JARID2: variants seen among roughly 807,000 people sequenced by gnomAD.
The protein encoded by JARID2 is protein Jumonji.
A neutral mutation model predicts 125.6 loss-of-function variants in JARID2; 21 were observed. The ratio of observed to expected loss-of-function variants is 0.17; its 90% confidence interval spans 0.12 to 0.24. The LOEUF is 0.24. Among genes scored for constraint, JARID2 ranks in the 10% least tolerant of loss-of-function variants. JARID2 has a pLI of 1.00. For missense variants in JARID2, 1,303 were observed against 1,639.6 expected, an observed-to-expected ratio of 0.79 and a Z score of 3.55; for synonymous variants, 736 against 661.6, an observed-to-expected ratio of 1.11 and a Z score of -1.73.
At chr6:15,340,421 G>A (rs559950620) in intron 1 of JARID2, among the ~76,000 whole-genome samples, 3 of 152,162 alleles carry the variant, frequency 2.0e-5, no homozygotes, top group Non-Finnish European at 4.4e-5. Context: ...GTTGGGTGTG[G>A]ATTTTACTAC....
chr6:15,259,115 A>T (rs370457786), intron 1 of JARID2, among the ~76,000 whole-genome samples: 1 of 152,142 alleles, frequency 6.6e-6, no homozygotes. Context: ...TGTGAGGATG[A>T]GGGTAGTGTT....
chr6:15,482,912 T>C (rs1306406106), intron 5 of JARID2, among the ~76,000 whole-genome samples: 1 of 151,992 alleles, frequency 6.6e-6, no homozygotes, highest in Non-Finnish European at 1.5e-5. Flanking sequence ...GTTCAGTGAG[T>C]TCTTGTTAGC....
chr6:15,505,282 C>G (rs964504995), intron 9 of JARID2: 1 of 151,348 alleles, frequency 6.6e-6, no homozygotes, highest in African/African-American at 2.4e-5. Context: ...CAGCTGCCGG[C>G]CGGGGAACAG....
At chr6:15,403,563 AT>A (rs1393736486) in intron 2 of JARID2, among the ~76,000 whole-genome samples, 1 of 152,094 alleles carries the variant, frequency 6.6e-6, no homozygotes, top group Non-Finnish European at 1.5e-5. Flanking sequence ...TCAAAGAGTC[AT>A]TTACTTGTTT....
At chr6:15,314,314 T>C (rs747851533) in intron 1 of JARID2, among the ~76,000 whole-genome samples, 2 of 138,226 alleles carry the variant, frequency 1.4e-5, no homozygotes, top group Non-Finnish European at 3.1e-5. Context: ...TCTGCTAGAA[T>C]ATAAAGTAAT....
At chr6:15,456,878 C>CTTTTTTTTTTTTTTT (rs71535043) in intron 4 of JARID2, among the ~76,000 whole-genome samples, 2 of 95,676 alleles carry the variant, frequency 2.1e-5, no homozygotes, top group African/African-American at 8.2e-5. Flanking sequence ...GGATGTTAAG[C>CTTTTTTTTTTTTTTT]TTTTTTTTTT....
At chr6:15,469,102 C>T (rs1320629237) in intron 5 of JARID2, among the ~76,000 whole-genome samples, 1 of 151,928 alleles carries the variant, frequency 6.6e-6, no homozygotes, top group Admixed American at 6.5e-5. Context: ...ATCATTCCTC[C>T]TATGGAATTG....
chr6:15,415,994 C>A (rs892371655), intron 3 of JARID2, among the ~76,000 whole-genome samples: 3 of 150,664 alleles, frequency 2.0e-5, no homozygotes, highest in Non-Finnish European at 4.4e-5. Context: ...CAGAGACGCT[C>A]CTCACCTCCC....
At chr6:15,396,886 G>T (rs1424234612) in intron 2 of JARID2, among the ~76,000 whole-genome samples, 1 of 152,124 alleles carries the variant, frequency 6.6e-6, no homozygotes, top group Non-Finnish European at 1.5e-5. Context: ...TCACGAGTTT[G>T]CATACCATCA....
intron 1 of JARID2, among the ~76,000 whole-genome samples, chr6:15,326,224 T>TG (rs1762529160): frequency 6.6e-6 from 1 of 152,096 alleles, no homozygotes; most frequent in Non-Finnish European, 1.5e-5. Context: ...AGACATTTTT[T>TG]TGGGGGGTGG....
At position 15,425,556 on chromosome 6, in the gene JARID2, A is replaced by C. The variant is rs114566535; in HGVS notation, c.323+15191A>C. 2.3e-3 allele frequency among the ~76,000 whole-genome samples: 356 copies of C among 152,250 alleles called. 1 individual carries two copies. The highest frequency in any genetic ancestry group is 7.7e-3 in the African/African-American group (321 of 41,530). On this transcript the variant is annotated intron_variant, in intron 3 of 17. Coordinates refer to ENST00000341776, the MANE Select transcript of JARID2 (RefSeq NM_004973.4). ...ATACCTTTATCGTGGGAGTGGATTC[A>C]TACCTTTATCATGGGAGTGGATTCC...
rs56801667 is a variant in JARID2 at position 15,418,216 on chromosome 6, C to CTT, written c.323+7869_323+7870dup. On this transcript the variant is annotated intron_variant, in intron 3 of 17. Transcript: ENST00000341776. Reference sequence around the variant, plus strand: ...GGGATCTCTTGTTAACTATATTCCTCTTTTTTTTTTTTTTTTTTTGGTAAG... The same window carrying CTT: ...GGGATCTCTTGTTAACTATATTCCTCTTTTTTTTTTTTTTTTTTTTTGGTAAG... Among the ~76,000 whole-genome samples, 432 of 117,802 alleles carry CTT rather than the reference C, an allele frequency of 3.7e-3. 6 individuals are homozygous for CTT. Among genetic ancestry groups the CTT allele is most frequent in the African/African-American group, 0.013 (386 of 30,488 alleles). 77.3% of individuals were successfully genotyped at this position (117,802 alleles called of 152,430 possible).
At chr6:15,439,572 G>T (rs1767361044) in intron 3 of JARID2, among the ~76,000 whole-genome samples, 1 of 152,182 alleles carries the variant, frequency 6.6e-6, no homozygotes, top group Non-Finnish European at 1.5e-5. Flanking sequence ...AGGAAAATGG[G>T]CTTAAGCAGG....
intron 2 of JARID2, among the ~76,000 whole-genome samples, chr6:15,381,465 ACT>A (rs773527367): frequency 6.6e-6 from 1 of 151,152 alleles, no homozygotes; most frequent in Non-Finnish European, 1.5e-5. Context: ...TTTCTCTAAC[ACT>A]CCTGTGTCCT....
chr6:15,492,905 C>G (rs922641334), intron 6 of JARID2, among the ~76,000 whole-genome samples: 1 of 152,026 alleles, frequency 6.6e-6, no homozygotes, highest in African/African-American at 2.4e-5. Flanking sequence ...AAGATAACTC[C>G]TATAATAAGA....
chr6:15,415,109 T>C (rs567113842), intron 3 of JARID2, among the ~76,000 whole-genome samples: 190 of 152,310 alleles, frequency 1.2e-3, no homozygotes, highest in African/African-American at 4.3e-3. Context: ...CAGCACATGT[T>C]TCAGAGAGCA....
At chr6:15,481,916 C>T (rs1769636247) in intron 5 of JARID2, among the ~76,000 whole-genome samples, 1 of 152,172 alleles carries the variant, frequency 6.6e-6, no homozygotes, top group African/African-American at 2.4e-5. Flanking sequence ...ATTTCACCTG[C>T]CTCCCTCTCG....
rs1206758704 is a variant in JARID2 at position 15,464,998 on chromosome 6, C to T, written c.494-3544C>T. On this transcript the variant is annotated intron_variant, in intron 4 of 17. Coordinates refer to ENST00000341776, the MANE Select transcript of JARID2 (RefSeq NM_004973.4). ...TTGAGAGCAAGTTCCTCAGAATTGC[C>T]CTTATTCCTCACTGGTCTTCTATTT... is the stretch of plus-strand genomic sequence containing the variant. Among the ~76,000 whole-genome samples the T allele has an allele frequency of 2.6e-5, 4 of 152,264 alleles. No individual in the cohort carries two copies. The East Asian group carries it at 7.7e-4, about 29-fold the overall frequency.
intron 1 of JARID2, among the ~76,000 whole-genome samples, chr6:15,360,811 T>C (rs1295358550): frequency 6.6e-6 from 1 of 152,126 alleles, no homozygotes; most frequent in African/African-American, 2.4e-5. Context: ...AACCTAGTCT[T>C]TCTTTTTTAA....
Sources: allele counts gnomAD v4.1 joint callset (sites outside exome capture counted in the v4.1 genomes callset), GRCh38; gene constraint gnomAD v4.1.1; transcripts MANE v1.5; gene names NCBI Gene and HGNC (gene_info 2026-07-23, HGNC 2026-07-21).